KIAA0930: variants seen among roughly 807,000 people sequenced by gnomAD.
KIAA0930 encodes the protein uncharacterized protein KIAA0930.
KIAA0930 carries 24 observed loss-of-function variants against 43.9 expected under a neutral mutation model. The ratio of observed to expected loss-of-function variants is 0.55; its 90% confidence interval spans 0.40 to 0.77. The LOEUF (loss-of-function observed/expected upper bound fraction) is 0.77, where lower values mean the gene tolerates loss of function less well. Among genes scored for constraint, KIAA0930 ranks in the 30% least tolerant of loss-of-function variants. The probability of loss-of-function intolerance (pLI) is 0.00; values close to 1 mark genes in which losing one functional copy is unlikely to be tolerated. For synonymous variants in KIAA0930, 259 were observed against 216.4 expected, an observed-to-expected ratio of 1.20 and a Z score of -1.73; for missense variants, 461 against 574.2, an observed-to-expected ratio of 0.80 and a Z score of 2.02.
At chr22:45,212,495 A>G (rs1601817121) in intron 1 of KIAA0930, 1 of 1,433,594 alleles carries the variant, frequency 7.0e-7, no homozygotes, top group African/African-American at 1.4e-5. Context: ...GAGCCTTTGG[A>G]GAGGCAGGGC....
chr22:45,210,709 C>A (rs1245656968), intron 2 of KIAA0930, among the ~76,000 whole-genome samples: 1 of 103,380 alleles, frequency 9.7e-6, no homozygotes, highest in East Asian at 3.4e-4. Context: ...TCGGGGATCC[C>A]ATCACCAGTC....
chr22:45,231,978 G>C (rs1184058728), intron 1 of KIAA0930, among the ~76,000 whole-genome samples: 2 of 152,138 alleles, frequency 1.3e-5, no homozygotes, highest in Non-Finnish European at 2.9e-5. Flanking sequence ...GTGACAGAGC[G>C]AGACTCCCTC....
chr22:45,213,104 G>A lies in KIAA0930; in HGVS notation c.65-997C>T, dbSNP rs139839514. ...AGAGATGGGGAACGTGAGGGCCAGT[G>A]GTGCCAGAACCCTCTCTCGCGCTCA... On this transcript the variant is annotated intron_variant, in intron 1 of 9. Transcript: ENST00000336156. 6.5e-3 allele frequency among the ~76,000 whole-genome samples: 988 copies of A among 152,200 alleles called. 9 individuals carry two copies. The highest frequency in any genetic ancestry group is 0.022 in the African/African-American group (918 of 41,516).
intron 1 of KIAA0930, chr22:45,212,579 A>G: frequency 7.2e-7 from 1 of 1,381,848 alleles, no homozygotes; most frequent in African/African-American, 1.4e-5. Flanking sequence ...ACTTAAAGGG[A>G]CAGCCGCCCT....
intron 7 of KIAA0930, among the ~76,000 whole-genome samples, chr22:45,200,621 A>C (rs2083579525): frequency 6.6e-6 from 1 of 152,180 alleles, no homozygotes; most frequent in South Asian, 2.1e-4. Context: ...ATACTGTGCT[A>C]AGTAGCTCTA....
At position 45,197,362 on chromosome 22, in the gene KIAA0930, T is replaced by G. The variant is rs1456008637; in HGVS notation, c.1175-146A>C. 2.0e-5 allele frequency: 14 copies of G among 692,054 alleles called. No individual in the cohort carries two copies. In the South Asian group the frequency reaches 2.5e-4, roughly 13 times the overall value. The allele number at this position is 692,054 out of a possible 1,614,324, so 42.9% of individuals were successfully genotyped here. On this transcript the variant is annotated intron_variant, in intron 9 of 9. Transcript: ENST00000336156. ...GGCCTCACAGACTGCAGAGGAGACGTGTCTCCACCATCCTCACCCTGCAGA... is the reference window on the plus strand; with the variant it reads ...GGCCTCACAGACTGCAGAGGAGACGGGTCTCCACCATCCTCACCCTGCAGA...
At position 45,199,989 on chromosome 22, in the gene KIAA0930, G is replaced by C. The variant is rs1456173544; in HGVS notation, c.899C>G (p.Pro300Arg). ...TPPTPERNNR[P>R]AFFSPSLKRK... Reference sequence around the variant, plus strand: ...CTTGAGGGATGGGGAGAAGAAGGCAGGCCGGTTGTTCCGTTCTGGGGTGGG... The same window carrying C: ...CTTGAGGGATGGGGAGAAGAAGGCACGCCGGTTGTTCCGTTCTGGGGTGGG... The change falls in exon 8 of 10, where the codon CCT (proline) becomes CGT (arginine). Residue 300 changes from proline to arginine, a missense_variant. By Grantham distance (103) the Pro-to-Arg change is moderately radical (BLOSUM62 -2). Coordinates refer to ENST00000336156, the MANE Select transcript of KIAA0930 (RefSeq NM_001009880.2). The C allele has an allele frequency of 3.1e-6, 5 of 1,608,426 alleles. No individual in the cohort carries two copies. The highest frequency in any genetic ancestry group is 1.7e-6 in the Non-Finnish European group (2 of 1,177,288).
intron 1 of KIAA0930, chr22:45,235,375 G>A (rs1038794274): frequency 1.3e-5 from 2 of 152,236 alleles, no homozygotes; most frequent in African/African-American, 4.8e-5. Flanking sequence ...TCAGCCTCAG[G>A]AGAGGGCCTC....
intron 1 of KIAA0930, among the ~76,000 whole-genome samples, chr22:45,229,047 A>C (rs1164215455): frequency 1.2e-4 from 4 of 34,336 alleles, no homozygotes; most frequent in Non-Finnish European, 2.0e-4. Flanking sequence ...CCACCCCCCC[A>C]CCACCAAACA....
intron 8 of KIAA0930, among the ~76,000 whole-genome samples, chr22:45,198,558 G>A (rs1389090018): frequency 6.6e-6 from 1 of 152,240 alleles, no homozygotes; most frequent in Non-Finnish European, 1.5e-5. Context: ...CAGTGGTCAG[G>A]ACAAAGACTG....
At chr22:45,229,314 T>C (rs867599498) in intron 1 of KIAA0930, among the ~76,000 whole-genome samples, 1 of 27,188 alleles carries the variant, frequency 3.7e-5, no homozygotes, top group Non-Finnish European at 8.0e-5. Flanking sequence ...AAGATCCCTC[T>C]CCACATCCCC....
In KIAA0930 at chr22:45,197,036, C is replaced by G. The variant is rs1041885453; in HGVS notation, c.*140G>C. The G allele has an allele frequency of 8.8e-6, 6 of 685,276 alleles. No homozygotes were observed. In the African/African-American group the frequency reaches 1.1e-4, roughly 13 times the overall value. The allele number at this position is 685,276 out of a possible 1,614,324, so 42.4% of individuals were successfully genotyped here. On this transcript the variant is annotated 3_prime_UTR_variant, in exon 10 of 10. Transcript: ENST00000336156. ...GTGTTCGTGGAGTCGGCCCCGGCCC[C>G]GGGAGTCGAGTGGCCTCGCCTGGCT... is the stretch of plus-strand genomic sequence containing the variant.
intron 1 of KIAA0930, among the ~76,000 whole-genome samples, chr22:45,227,417 C>T (rs1023226950): frequency 2.0e-5 from 3 of 152,036 alleles, no homozygotes; most frequent in Admixed American, 6.5e-5. Context: ...TATGCCAGGA[C>T]AGGCCCACCC....
At position 45,212,058 on chromosome 22, in the gene KIAA0930, G is replaced by A; in HGVS notation, c.114C>T (p.Thr38=). The A allele has an allele frequency of 6.2e-7, 1 of 1,613,848 alleles. No individual in the cohort carries two copies. The highest frequency in any genetic ancestry group is 8.5e-7 in the Non-Finnish European group (1 of 1,179,936). The change falls in exon 2 of 10, where the codon ACC becomes ACT. Residue 38 remains threonine (T), a synonymous_variant. Transcript: ENST00000336156. The part of the protein sequence containing the change: ...RIVFWTWMFS[T]YFMEKWAPRQ... The stretch of plus-strand genomic sequence containing the variant: ...GGGGAGCCCATTTCTCCATGAAGTA[G>A]GTGGAGAACATCCAAGTCCAGAAGA...
At position 45,233,076 on chromosome 22, in the gene KIAA0930, C is replaced by T. The variant is rs116108812; in HGVS notation, c.64+7564G>A. 6.8e-3 allele frequency among the ~76,000 whole-genome samples: 1,028 copies of T among 152,184 alleles called. 17 individuals carry two copies. Among genetic ancestry groups the T allele is most frequent in the African/African-American group, 0.024 (988 of 41,508 alleles). ...GGTGGAGGAAGGCATCACAGCCAGT[C>T]CCTCCTGCTTCTGAGCCTCAGTGGC... On this transcript the variant is annotated intron_variant, in intron 1 of 9. Coordinates refer to ENST00000336156, the MANE Select transcript of KIAA0930 (RefSeq NM_001009880.2).
In KIAA0930 at chr22:45,240,698, C is replaced by A; in HGVS notation, c.6G>T (p.Leu2=). The stretch of plus-strand genomic sequence containing the variant: ...GGCCGCGCTCCTCCGCTATGGCACG[C>A]AGCATGTGCTGCAGCGAGCGCTCCT... The part of the protein sequence containing the change: M[L]RAIAEERGRL... Residue 2 remains leucine, a synonymous_variant, in exon 1 of 10, where the codon CTG becomes CTT. Transcript: ENST00000336156. 2 of 1,387,752 alleles carry A rather than the reference C, an allele frequency of 1.4e-6. No individual in the cohort carries two copies. Among genetic ancestry groups the A allele is most frequent in the South Asian group, 2.6e-5 (2 of 77,948 alleles). 86.0% of individuals were successfully genotyped at this position (1,387,752 alleles called of 1,614,324 possible).
intron 1 of KIAA0930, among the ~76,000 whole-genome samples, chr22:45,217,602 T>C (rs960054212): frequency 6.6e-6 from 1 of 152,102 alleles, no homozygotes; most frequent in Non-Finnish European, 1.5e-5. Context: ...CTAACTAGAC[T>C]GCAAAAAGGA....
chr22:45,232,056 T>C (rs2083857365), intron 1 of KIAA0930, among the ~76,000 whole-genome samples: 1 of 152,166 alleles, frequency 6.6e-6, no homozygotes, highest in African/African-American at 2.4e-5. Flanking sequence ...GAAAGGTGCC[T>C]ATGAAGCAAG....
At chr22:45,218,158 T>C (rs955582091) in intron 1 of KIAA0930, among the ~76,000 whole-genome samples, 1 of 150,996 alleles carries the variant, frequency 6.6e-6, no homozygotes, top group African/African-American at 2.4e-5. Flanking sequence ...AGTGTGTTTA[T>C]TTATTCATTT....
Sources: allele counts gnomAD v4.1 joint callset (sites outside exome capture counted in the v4.1 genomes callset), GRCh38; gene constraint gnomAD v4.1.1; transcripts MANE v1.5; gene names NCBI Gene and HGNC (gene_info 2026-07-23, HGNC 2026-07-21).